The following RALYL variants were observed in gnomAD, a reference collection of about 807,000 sequenced individuals.
RALYL encodes the protein RNA-binding Raly-like protein.
In RALYL, 29 loss-of-function variants were observed where a neutral mutation model predicts 35.1. The observed-to-expected ratio is 0.83, with a 90% CI of 0.61 to 1.13. The LOEUF is 1.13. Ranked by LOEUF, RALYL falls within the 50% of genes most tolerant of loss-of-function variation. RALYL has a pLI of 0.00. For synonymous variants in RALYL, 120 were observed against 127.6 expected (o/e 0.94, Z 0.40); for missense variants, 359 against 360.4 (o/e 1.00, Z 0.03).
intron 1 of RALYL, among the ~76,000 whole-genome samples, chr8:84,400,961 A>G (rs1033938591): frequency 3.3e-5 from 5 of 152,224 alleles, no homozygotes; most frequent in African/African-American, 1.2e-4. Context: ...AAAATGTCCA[A>G]TGACTCATCA....
intron 2 of RALYL, among the ~76,000 whole-genome samples, chr8:84,578,867 G>T (rs761338354): frequency 6.6e-6 from 1 of 152,208 alleles, no homozygotes; most frequent in African/African-American, 2.4e-5. Context: ...AGTGCATGCT[G>T]ATTGGTCCAT....
At chr8:84,464,776 A>G (rs2051327110) in intron 1 of RALYL, among the ~76,000 whole-genome samples, 1 of 148,872 alleles carries the variant, frequency 6.7e-6, no homozygotes, top group African/African-American at 2.5e-5. Context: ...AAGTGTTCCT[A>G]TTTCTCCACA....
At chr8:84,649,975 T>A (rs1160177880) in intron 2 of RALYL, among the ~76,000 whole-genome samples, 3 of 152,140 alleles carry the variant, frequency 2.0e-5, no homozygotes, top group African/African-American at 7.2e-5. Flanking sequence ...GCTTTGTAGT[T>A]CTCCTTGAAG....
chr8:84,823,211 C>A (rs1828896385), intron 4 of RALYL, among the ~76,000 whole-genome samples: 1 of 152,070 alleles, frequency 6.6e-6, no homozygotes, highest in East Asian at 1.9e-4. Flanking sequence ...AAATTTGGTT[C>A]TTTACTGCAA....
At chr8:84,290,479 G>C in intron 1 of RALYL, among the ~76,000 whole-genome samples, 1 of 151,406 alleles carries the variant, frequency 6.6e-6, no homozygotes, top group African/African-American at 2.4e-5. Context: ...AAGGGGGTTT[G>C]TTCTCTGGCG....
At chr8:84,279,212 T>C (rs1448561669) in intron 1 of RALYL, among the ~76,000 whole-genome samples, 2 of 152,086 alleles carry the variant, frequency 1.3e-5, no homozygotes, top group Non-Finnish European at 2.9e-5. Flanking sequence ...GGGGAAACTG[T>C]CCCCATGACT....
chr8:84,580,502 A>G (rs972832139), intron 2 of RALYL, among the ~76,000 whole-genome samples: 1 of 152,158 alleles, frequency 6.6e-6, no homozygotes, highest in Non-Finnish European at 1.5e-5. Context: ...ACCAGCTCTT[A>G]TGGTTACTAA....
chr8:84,259,520 TA>T (rs1285154333), intron 1 of RALYL, among the ~76,000 whole-genome samples: 1 of 152,156 alleles, frequency 6.6e-6, no homozygotes, highest in African/African-American at 2.4e-5. Context: ...TACTCAGCAT[TA>T]AATGTGAGAC....
At chr8:84,329,589 C>T (rs1381116452) in intron 1 of RALYL, among the ~76,000 whole-genome samples, 2 of 151,968 alleles carry the variant, frequency 1.3e-5, no homozygotes. Flanking sequence ...TTTTGCTGTG[C>T]AAAAGCTCCT....
chr8:84,449,070 G>GTTTTT (rs1215015705), intron 1 of RALYL, among the ~76,000 whole-genome samples: 2 of 134,828 alleles, frequency 1.5e-5, no homozygotes, highest in African/African-American at 5.6e-5. Flanking sequence ...TTAGCTGTTA[G>GTTTTT]TTTTTTTGTT....
intron 2 of RALYL, among the ~76,000 whole-genome samples, chr8:84,723,803 T>C (rs566671164): frequency 3.8e-4 from 57 of 151,994 alleles, no homozygotes; most frequent in African/African-American, 1.3e-3. Context: ...CTCTTCCTAA[T>C]AAGTCATTTT....
intron 1 of RALYL, among the ~76,000 whole-genome samples, chr8:84,264,526 A>G (rs774119225): frequency 4.6e-4 from 69 of 148,882 alleles, no homozygotes; most frequent in Admixed American, 1.3e-3. Context: ...GCATAAATAG[A>G]TTTCAAAGAT....
At chr8:84,852,484 T>C (rs1044656696) in intron 5 of RALYL, among the ~76,000 whole-genome samples, 2 of 152,204 alleles carry the variant, frequency 1.3e-5, no homozygotes, top group Non-Finnish European at 2.9e-5. Context: ...TTGACAAGTT[T>C]AAAGACATTT....
intron 7 of RALYL, among the ~76,000 whole-genome samples, chr8:84,884,545 T>C (rs1236328601): frequency 3.3e-5 from 5 of 151,460 alleles, no homozygotes; most frequent in South Asian, 2.1e-4. Flanking sequence ...GTATATATAT[T>C]ACACACACAC....
intron 2 of RALYL, among the ~76,000 whole-genome samples, chr8:84,653,662 T>C (rs1455124481): frequency 3.3e-5 from 5 of 151,714 alleles, no homozygotes; most frequent in African/African-American, 1.2e-4. Context: ...CATCTTACTT[T>C]TCCCCATTCC....
intron 1 of RALYL, among the ~76,000 whole-genome samples, chr8:84,455,434 A>G (rs371129933): frequency 1.3e-5 from 2 of 152,064 alleles, no homozygotes; most frequent in East Asian, 1.9e-4. Context: ...CAAATAGAAT[A>G]AATCTGTGAT....
At chr8:84,831,445 C>A (rs992666429) in intron 4 of RALYL, among the ~76,000 whole-genome samples, 4 of 152,094 alleles carry the variant, frequency 2.6e-5, no homozygotes, top group African/African-American at 9.7e-5. Context: ...ATGTACCAAT[C>A]CCAGATAAAA....
chr8:84,452,233 CTT>C (rs35835472), intron 1 of RALYL, among the ~76,000 whole-genome samples: 2 of 144,252 alleles, frequency 1.4e-5, no homozygotes, highest in Admixed American at 6.9e-5. Flanking sequence ...GTTGATACTA[CTT>C]TTTTTTTTTT....
At chr8:84,374,334 T>G (rs1856504678) in intron 1 of RALYL, among the ~76,000 whole-genome samples, 2 of 151,926 alleles carry the variant, frequency 1.3e-5, no homozygotes, top group South Asian at 4.1e-4. Context: ...TATGATATTG[T>G]CTGTGAGTTT....
Sources: gnomAD v4.1 joint callset for allele counts (sites outside exome capture counted in the v4.1 genomes callset) on GRCh38, gnomAD v4.1.1 for gene constraint, MANE v1.5 for transcripts, NCBI Gene and HGNC (gene_info 2026-07-23, HGNC 2026-07-21) for gene names.